BABAM2: variants seen among roughly 807,000 people sequenced by gnomAD.
The protein encoded by BABAM2 is BRISC and BRCA1-A complex member 2.
In BABAM2, 31 loss-of-function variants were observed where a neutral mutation model predicts 54.7. The ratio of observed to expected loss-of-function variants is 0.57; its 90% CI spans 0.43 to 0.77. The LOEUF (loss-of-function observed/expected upper bound fraction) is 0.77. BABAM2 is among the 30% of genes least tolerant of loss of function. The pLI, the probability that BABAM2 is intolerant of heterozygous loss-of-function variation, is 0.00. For synonymous variants in BABAM2, 167 were observed against 162.9 expected, an observed-to-expected ratio of 1.03 and a Z score of -0.19; for missense variants, 364 against 455.8, an observed-to-expected ratio of 0.80 and a Z score of 1.83.
At chr2:28,337,857 C>A (rs1003671366) in intron 11 of BABAM2, among the ~76,000 whole-genome samples, 26 of 152,290 alleles carry the variant, frequency 1.7e-4, no homozygotes, top group South Asian at 2.1e-4. Context: ...CATGGTAGCA[C>A]ACACCTATAG....
chr2:28,199,570 A>G lies in BABAM2; in HGVS notation c.681-37632A>G, dbSNP rs1678026590. On this transcript the variant is annotated intron_variant, in intron 7 of 11. Transcript: ENST00000379624. ...TTAGGGCCCGGAAGATATGATTGAAACTAGGTATTAGCTTAAGGAGATGAG... is the reference window on the plus strand; with the variant it reads ...TTAGGGCCCGGAAGATATGATTGAAGCTAGGTATTAGCTTAAGGAGATGAG... 2.6e-5 allele frequency among the ~76,000 whole-genome samples: 4 copies of G among 152,340 alleles called. No homozygotes were observed. The South Asian group carries it at 6.2e-4, about 24-fold the overall frequency.
chr2:28,227,734 C>A (rs116362143), intron 7 of BABAM2, among the ~76,000 whole-genome samples: 1 of 152,134 alleles, frequency 6.6e-6, no homozygotes, highest in Non-Finnish European at 1.5e-5. Context: ...CAGCCCTGGC[C>A]GTGCATCATT....
At chr2:28,072,998 C>T (rs1054336335) in intron 6 of BABAM2, among the ~76,000 whole-genome samples, 1 of 152,152 alleles carries the variant, frequency 6.6e-6, no homozygotes, top group African/African-American at 2.4e-5. Context: ...AATACTTTAG[C>T]TCCTGTTCAG....
chr2:27,955,267 T>C (rs1670002614), intron 3 of BABAM2, among the ~76,000 whole-genome samples: 1 of 152,190 alleles, frequency 6.6e-6, no homozygotes, highest in South Asian at 2.1e-4. Flanking sequence ...CCATCATAAC[T>C]GCTCTCCTGT....
intron 7 of BABAM2, among the ~76,000 whole-genome samples, chr2:28,154,157 A>C (rs1672326221): frequency 1.3e-5 from 2 of 152,178 alleles, no homozygotes; most frequent in Non-Finnish European, 2.9e-5. Flanking sequence ...AGCTCACCTA[A>C]GCTCTGGAGC....
intron 7 of BABAM2, among the ~76,000 whole-genome samples, chr2:28,203,490 C>G (rs1279284253): frequency 1.3e-5 from 2 of 152,204 alleles, no homozygotes; most frequent in Non-Finnish European, 2.9e-5. Context: ...GTTGATAGCA[C>G]ATTATCATCA....
At chr2:27,960,878 T>A (rs1670416701) in intron 3 of BABAM2, among the ~76,000 whole-genome samples, 1 of 152,168 alleles carries the variant, frequency 6.6e-6, no homozygotes, top group Non-Finnish European at 1.5e-5. Context: ...TCAGTATTAG[T>A]AGATAAGAGC....
chr2:28,015,693 A>C, intron 4 of BABAM2: 4 of 921,964 alleles, frequency 4.3e-6, no homozygotes, highest in Middle Eastern at 4.8e-4. Flanking sequence ...TCACAGTTGA[A>C]ATTTCCTCAG....
intron 10 of BABAM2, among the ~76,000 whole-genome samples, chr2:28,258,622 T>TTTTTTCC (rs1553352150): frequency 1.5e-5 from 2 of 136,246 alleles, no homozygotes; most frequent in African/African-American, 5.4e-5. Flanking sequence ...TTTCTTTTTT[T>TTTTTTCC]TTTTTTTTTG....
chr2:27,954,491 AT>A (rs1361630292), intron 3 of BABAM2, among the ~76,000 whole-genome samples: 1 of 152,198 alleles, frequency 6.6e-6, no homozygotes, highest in Non-Finnish European at 1.5e-5. Flanking sequence ...AAAAGATTCC[AT>A]TTTGGCATTT....
intron 7 of BABAM2, among the ~76,000 whole-genome samples, chr2:28,157,369 G>A (rs1453542767): frequency 6.6e-6 from 1 of 152,160 alleles, no homozygotes; most frequent in Non-Finnish European, 1.5e-5. Flanking sequence ...TTAAAATGCA[G>A]TCAGCCATTT....
chr2:28,022,053 A>G (rs1326164807), intron 4 of BABAM2, among the ~76,000 whole-genome samples: 1 of 152,202 alleles, frequency 6.6e-6, no homozygotes, highest in African/African-American at 2.4e-5. Context: ...AAGCTCTGAT[A>G]AGGAGGAGCT....
At chr2:28,010,394 C>T (rs948485594) in intron 4 of BABAM2, among the ~76,000 whole-genome samples, 2 of 151,756 alleles carry the variant, frequency 1.3e-5, no homozygotes, top group Non-Finnish European at 2.9e-5. Context: ...TAGATTAATC[C>T]TCTATGTAGA....
chr2:28,311,469 AT>A (rs922171898), intron 11 of BABAM2, among the ~76,000 whole-genome samples: 106 of 152,204 alleles, frequency 7.0e-4, no homozygotes, highest in African/African-American at 2.5e-3. Flanking sequence ...GATTTTTATG[AT>A]AAACCATAGT....
At chr2:28,087,513 G>A (rs1573551365) in intron 6 of BABAM2, among the ~76,000 whole-genome samples, 1 of 152,236 alleles carries the variant, frequency 6.6e-6, no homozygotes, top group African/African-American at 2.4e-5. Flanking sequence ...ATGAGAACAT[G>A]AAGCTTCTGG....
At chr2:28,140,700 T>C (rs1670966986) in intron 7 of BABAM2, among the ~76,000 whole-genome samples, 1 of 152,202 alleles carries the variant, frequency 6.6e-6, no homozygotes, top group Non-Finnish European at 1.5e-5. Flanking sequence ...TATATACATG[T>C]ATATATGCAC....
At position 27,972,717 on chromosome 2, in the gene BABAM2, G is replaced by A. The variant is rs548046985; in HGVS notation, c.206-15276G>A. Among the ~76,000 whole-genome samples the A allele has an allele frequency of 8.6e-5, 13 of 151,336 alleles. No homozygotes were observed. The South Asian group carries it at 2.3e-3, about 27-fold the overall frequency. On this transcript the variant is annotated intron_variant, in intron 3 of 11. Coordinates refer to ENST00000379624, the MANE Select transcript of BABAM2 (RefSeq NM_199191.3). ...AAATGGTGTTATTTTGTATATCTTG[G>A]CTAAATAAAATATAAAGGTTACATA...
intron 3 of BABAM2, among the ~76,000 whole-genome samples, chr2:27,948,361 A>G (rs965768214): frequency 4.7e-4 from 71 of 152,252 alleles, no homozygotes; most frequent in African/African-American, 1.7e-3. Context: ...GATTTCCTAC[A>G]TAGAAAATTA....
intron 4 of BABAM2, among the ~76,000 whole-genome samples, chr2:28,017,080 G>C (rs1041276613): frequency 6.6e-6 from 1 of 152,096 alleles, no homozygotes; most frequent in African/African-American, 2.4e-5. Context: ...ATGTCCACTT[G>C]ACTTTACAAA....
Sources: gnomAD v4.1 joint callset for allele counts (sites outside exome capture counted in the v4.1 genomes callset) on GRCh38, gnomAD v4.1.1 for gene constraint, MANE v1.5 for transcripts, NCBI Gene and HGNC (gene_info 2026-07-23, HGNC 2026-07-21) for gene names.